Variants in CTH observed in about 807,000 individuals in gnomAD.
The protein encoded by CTH is cystathionine gamma-lyase.
In CTH, 41 loss-of-function variants were observed where a neutral mutation model predicts 50.6. That is an observed-to-expected ratio of 0.81 (90% CI 0.63 to 1.05). CTH has a LOEUF of 1.05. Ranked by LOEUF, CTH falls within the 50% of genes least tolerant of loss-of-function variation. The pLI is 0.00. For missense variants in CTH, 470 were observed against 492.6 expected (o/e 0.95, Z 0.43); for synonymous variants, 156 against 168.9 (o/e 0.92, Z 0.59).
At position 70,411,408 on chromosome 1, in the gene CTH, G is replaced by A. The variant is rs377101650; in HGVS notation, c.-8G>A. ...TTCTTTTCCTCTCTTCTTCTTTCGC[G>A]GTTCAGCATGCAGGAAAAAGACGCC... On this transcript the variant is annotated 5_prime_UTR_variant, in exon 1 of 12. Transcript: ENST00000370938. 2.5e-6 allele frequency: 4 copies of A among 1,613,900 alleles called. No individual in the cohort carries two copies. Among genetic ancestry groups the A allele is most frequent in the Non-Finnish European group, 2.5e-6 (3 of 1,179,850 alleles).
At chr1:70,422,826 G>T (rs1268767179) in intron 4 of CTH, among the ~76,000 whole-genome samples, 2 of 152,006 alleles carry the variant, frequency 1.3e-5, no homozygotes, top group Non-Finnish European at 2.9e-5. Context: ...TGGCCAGGCT[G>T]ATCTTGAACT....
intron 4 of CTH, 55 bp from the exon 5 acceptor site, chr1:70,424,230 G>A (rs1374732292): frequency 1.9e-5 from 30 of 1,612,256 alleles, no homozygotes; most frequent in Admixed American, 3.3e-5. Flanking sequence ...TATATGAGAT[G>A]TATGTTTGTA....
intron 2 of CTH, among the ~76,000 whole-genome samples, chr1:70,416,973 G>T (rs1175900817): frequency 6.6e-6 from 1 of 151,836 alleles, no homozygotes; most frequent in Non-Finnish European, 1.5e-5. Context: ...GATTATAGAT[G>T]TGAGCCACCA....
At chr1:70,413,929 A>C (rs1238256812) in intron 1 of CTH, among the ~76,000 whole-genome samples, 1 of 150,850 alleles carries the variant, frequency 6.6e-6, no homozygotes, top group Non-Finnish European at 1.5e-5. Context: ...TTTAGTAGAG[A>C]CGGGGTTTCA....
intron 8 of CTH, 71 bp from the exon 9 acceptor site, chr1:70,433,757 A>C: frequency 6.3e-7 from 1 of 1,598,546 alleles, no homozygotes; most frequent in Non-Finnish European, 8.5e-7. Context: ...ACAGTGAAAA[A>C]TACCACCCTC....
In CTH at chr1:70,438,680, T is replaced by C. The variant is rs1244475447; in HGVS notation, c.1053-8T>C. ...AGTGATCAAAAATTTGCTCATGTCT[T>C]CTTTCAGGGCAATCATGACTCATGC... On this transcript the variant is annotated splice_polypyrimidine_tract_variant and splice_region_variant and intron_variant, in intron 10 of 11. Coordinates refer to ENST00000370938, the MANE Select transcript of CTH (RefSeq NM_001902.6). 6.2e-7 allele frequency: 1 copy of C among 1,613,998 alleles called. No homozygotes were observed. The highest frequency in any genetic ancestry group is 1.7e-5 in the Admixed American group (1 of 59,996).
rs1684669905 is a variant in CTH at position 70,439,358 on chromosome 1, A to G, written c.*231A>G. On this transcript the variant is annotated 3_prime_UTR_variant, in exon 12 of 12. Coordinates refer to ENST00000370938, the MANE Select transcript of CTH (RefSeq NM_001902.6). ...AATATCTTTTTGTTAATTTTGCTCT[A>G]TGTTTGCCTCTGAAGGAGGTGAGAT... 3.7e-6 allele frequency: 2 copies of G among 544,222 alleles called. No homozygotes were observed. The highest frequency in any genetic ancestry group is 6.5e-6 in the Non-Finnish European group (2 of 307,310). 33.7% of individuals were successfully genotyped at this position (544,222 alleles called of 1,614,324 possible). A position where few individuals can be genotyped will look rare whatever the true frequency, so the allele number is the denominator to read the frequency against.
rs1331111264 is a variant in CTH, at chr1:70,439,628, T to TAAG, written c.*503_*505dup. ...AGTTTACTGTGAAATTCTACTGATT[T>TAAG]AAGACTATACTTAATATTTTTAAAA... On this transcript the variant is annotated 3_prime_UTR_variant, in exon 12 of 12. Transcript: ENST00000370938. 7 of 167,802 alleles carry TAAG rather than the reference T, an allele frequency of 4.2e-5. No homozygotes were observed. The highest frequency in any genetic ancestry group is 7.7e-5 in the Non-Finnish European group (6 of 77,850). 10.4% of individuals were successfully genotyped at this position (167,802 alleles called of 1,614,324 possible).
At position 70,411,654 on chromosome 1, in the gene CTH, C is replaced by A. The variant is rs190446137; in HGVS notation, c.168+71C>A. 1.6e-3 allele frequency: 2,539 copies of A among 1,559,880 alleles called. 3 individuals carry two copies. The highest frequency in any genetic ancestry group is 2.8e-3 in the Middle Eastern group (14 of 5,068). On this transcript the variant is annotated intron_variant, in intron 1 of 11. Coordinates refer to ENST00000370938, the MANE Select transcript of CTH (RefSeq NM_001902.6). Reference sequence around the variant, plus strand: ...AGATACGGCTTATGAATTTGAAAGGCATGTAAGTAATTTATAATATGACTT... The same window carrying A: ...AGATACGGCTTATGAATTTGAAAGGAATGTAAGTAATTTATAATATGACTT...
chr1:70,424,053 A>G (rs1290825076), intron 4 of CTH, among the ~76,000 whole-genome samples: 1 of 152,200 alleles, frequency 6.6e-6, no homozygotes, highest in South Asian at 2.1e-4. Flanking sequence ...CTTTACAAAA[A>G]ATTCTGTAAG....
At chr1:70,423,438 G>C (rs776400912) in intron 4 of CTH, among the ~76,000 whole-genome samples, 1 of 151,864 alleles carries the variant, frequency 6.6e-6, no homozygotes, top group Non-Finnish European at 1.5e-5. Context: ...GAGCATGGTG[G>C]CACATGCCTG....
intron 10 of CTH, among the ~76,000 whole-genome samples, chr1:70,438,369 G>A (rs1013544521): frequency 6.6e-6 from 1 of 152,176 alleles, no homozygotes; most frequent in African/African-American, 2.4e-5. Context: ...ATTTAGGCAG[G>A]TATTAAAATA....
At chr1:70,415,861 A>C (rs759370359) in intron 1 of CTH, 95 bp from the exon 2 acceptor site, 6 of 759,882 alleles carry the variant, frequency 7.9e-6, no homozygotes, top group African/African-American at 1.7e-5. Flanking sequence ...AAGAATAGAA[A>C]CTAATTATGG....
intron 3 of CTH, among the ~76,000 whole-genome samples, chr1:70,419,521 T>A (rs1684166729): frequency 6.6e-6 from 1 of 152,204 alleles, no homozygotes; most frequent in South Asian, 2.1e-4. Flanking sequence ...CCATTCTAAC[T>A]GGTGTGAGAT....
intron 3 of CTH, among the ~76,000 whole-genome samples, chr1:70,419,166 A>G (rs1330792161): frequency 1.3e-5 from 2 of 151,700 alleles, no homozygotes; most frequent in Non-Finnish European, 2.9e-5. Flanking sequence ...ATCCTTTTTT[A>G]TGGCTGCATA....
intron 10 of CTH, among the ~76,000 whole-genome samples, chr1:70,437,161 A>G (rs540255571): frequency 5.3e-5 from 8 of 152,276 alleles, no homozygotes; most frequent in Admixed American, 1.3e-4. Context: ...AATTTCCTCA[A>G]TTTTAAAATG....
chr1:70,424,188 A>G (rs1312072074), intron 4 of CTH, 97 bp from the exon 5 acceptor site: 6 of 1,599,138 alleles, frequency 3.8e-6, no homozygotes, highest in Admixed American at 3.4e-5. Flanking sequence ...ATGTGTTTCC[A>G]TTATACAATG....
In CTH at chr1:70,416,044, A is replaced by C. The variant is rs1485085181; in HGVS notation, c.250+7A>C. On this transcript the variant is annotated splice_region_variant and intron_variant, in intron 2 of 11. Transcript: ENST00000370938. ...CTGGATGGGGCTAAGTACTGTAAGT[A>C]ATTTCCATTTCACAGTCTAGAATCT... 2.7e-6 allele frequency: 4 copies of C among 1,462,994 alleles called. No homozygotes were observed. The highest frequency in any genetic ancestry group is 3.8e-6 in the Non-Finnish European group (4 of 1,042,224). 90.6% of individuals were successfully genotyped at this position (1,462,994 alleles called of 1,614,324 possible).
In CTH at chr1:70,424,575, C is replaced by T. The variant is rs116030480; in HGVS notation, c.588+159C>T. Among the ~76,000 whole-genome samples, 874 of 152,248 alleles carry T rather than the reference C, an allele frequency of 5.7e-3. 16 individuals carry two copies. The highest frequency in any genetic ancestry group is 0.02 in the African/African-American group (834 of 41,534). On this transcript the variant is annotated intron_variant, in intron 5 of 11. Coordinates refer to ENST00000370938, the MANE Select transcript of CTH (RefSeq NM_001902.6). ...GAGAATTAAATTTGGACCTCTTCTA[C>T]CATTAGTTAATATCTTTTCAAACCT... is the stretch of plus-strand genomic sequence containing the variant.
Sources: allele counts gnomAD v4.1 joint callset (sites outside exome capture counted in the v4.1 genomes callset), GRCh38; gene constraint gnomAD v4.1.1; transcripts MANE v1.5; gene names NCBI Gene and HGNC (gene_info 2026-07-23, HGNC 2026-07-21).